The following SNX16 variants were observed in gnomAD, a reference collection of about 807,000 sequenced individuals.
SNX16 encodes the protein sorting nexin-16.
Under a neutral mutation model 36.7 loss-of-function variants are expected in SNX16, and 35 were observed. That is an observed-to-expected ratio of 0.95 (90% CI 0.73 to 1.27). The LOEUF (loss-of-function observed/expected upper bound fraction) is 1.27. Ranked by LOEUF, SNX16 falls within the 50% of genes most tolerant of loss-of-function variation. SNX16 has a pLI of 0.00. For synonymous variants in SNX16, 134 were observed against 132.0 expected, an observed-to-expected ratio of 1.02 and a Z score of -0.10; for missense variants, 367 against 393.6, an observed-to-expected ratio of 0.93 and a Z score of 0.57.
intron 5 of SNX16, chr8:81,808,250 A>C: frequency 8.3e-7 from 1 of 1,197,844 alleles, no homozygotes; most frequent in Non-Finnish European, 1.2e-6. Flanking sequence ...GACTCCATGG[A>C]TAAGACGGTC....
At chr8:81,840,272 T>C in intron 1 of SNX16, 190 bp from the exon 2 acceptor site, 1 of 264,396 alleles carries the variant, frequency 3.8e-6, no homozygotes, top group Non-Finnish European at 7.2e-6. Context: ...CTTCACACTC[T>C]TTTTCCTTGA....
intron 2 of SNX16, among the ~76,000 whole-genome samples, chr8:81,835,295 G>A (rs753678906): frequency 2.0e-5 from 3 of 152,186 alleles, no homozygotes; most frequent in African/African-American, 7.2e-5. Context: ...TTCCTCCTAC[G>A]CCTTTGGGCT....
chr8:81,802,601 C>CTGTTAAGCTG, intron 6 of SNX16, 102 bp from the exon 7 acceptor site: 1 of 924,164 alleles, frequency 1.1e-6, no homozygotes, highest in Non-Finnish European at 1.6e-6. Flanking sequence ...GCTGTTAAGC[C>CTGTTAAGCTG]TTAATGTAGT....
chr8:81,801,513 T>C lies in SNX16; in HGVS notation c.1019A>G (p.Asp340Gly). Residue 340 changes from aspartate (D) to glycine (G), a missense_variant, in exon 8 of 8, where the codon GAT becomes GGT. Transcript: ENST00000345957. ...SEIEVAEVAYDAEED is the reference protein window; with the variant it reads ...SEIEVAEVAYGAEED ...TGTGATACATTAGTCTTCTTCAGCATCATATGCCACTTCTGCTACTTCTAT... is the reference window on the plus strand; with the variant it reads ...TGTGATACATTAGTCTTCTTCAGCACCATATGCCACTTCTGCTACTTCTAT... 3.1e-6 allele frequency: 5 copies of C among 1,594,590 alleles called. No homozygotes were observed. The highest frequency in any genetic ancestry group is 1.7e-5 in the Admixed American group (1 of 58,892).
Position 81,801,469 on chromosome 8 carries a change from C to A in SNX16, c.*28G>T. ...CCACTCTTCTAAATTTTTGAATAGT[C>A]TAAATGGAGGGAACTGCTTGTGATA... On this transcript the variant is annotated 3_prime_UTR_variant, in exon 8 of 8. Coordinates refer to ENST00000345957, the MANE Select transcript of SNX16 (RefSeq NM_152836.3). 7.2e-7 allele frequency: 1 copy of A among 1,390,672 alleles called. No homozygotes were observed. Among genetic ancestry groups the A allele is most frequent in the South Asian group, 1.3e-5 (1 of 79,330 alleles). The allele number at this position is 1,390,672 out of a possible 1,614,324, so 86.1% of individuals were successfully genotyped here.
chr8:81,818,095 T>C (rs543198450), intron 4 of SNX16, among the ~76,000 whole-genome samples: 1 of 152,222 alleles, frequency 6.6e-6, no homozygotes, highest in Admixed American at 6.5e-5. Flanking sequence ...AGTTTTACCG[T>C]ATTTTCAAAC....
At chr8:81,805,505 T>C (rs573860176) in intron 5 of SNX16, among the ~76,000 whole-genome samples, 3 of 152,298 alleles carry the variant, frequency 2.0e-5, no homozygotes, top group Admixed American at 2.0e-4. Flanking sequence ...AAAGTGGTTC[T>C]TTGAGAAGAC....
At chr8:81,829,582 C>A in intron 2 of SNX16, 66 bp from the exon 3 acceptor site, 1 of 665,516 alleles carries the variant, frequency 1.5e-6, no homozygotes. Context: ...AAAACTCAAG[C>A]CAAATATTTT....
In SNX16 at chr8:81,803,207, C is replaced by G; in HGVS notation, c.703G>C (p.Glu235Gln). The G allele has an allele frequency of 6.2e-7, 1 of 1,603,112 alleles. No individual in the cohort carries two copies. Among genetic ancestry groups the G allele is most frequent in the Non-Finnish European group, 8.5e-7 (1 of 1,176,534 alleles). The change falls in exon 6 of 8, where the codon GAG (glutamate) becomes CAG (glutamine). Residue 235 changes from glutamate (E) to glutamine (Q), a missense_variant. Glu to Gln is a conservative substitution (Grantham distance 29). Coordinates refer to ENST00000345957, the MANE Select transcript of SNX16 (RefSeq NM_152836.3). ...TCTTTCTGTAAGCGGTAGTTTGTCT[C>G]TTCTAAAGTTTCACAGAATGCCTTA... The part of the protein sequence containing the change: ...ESRAFCETLE[E>Q]TNYRLQKELL...
Position 81,815,336 on chromosome 8 carries a change from C to T in SNX16, c.670G>A (p.Glu224Lys), listed in dbSNP as rs1393640321. ...DDPPGPFDSL[E>K]ESRAFCETLE... The stretch of plus-strand genomic sequence containing the variant: ...AATACAGCACTTACCCTGCTTTCTT[C>T]TAGGCTATCAAATGGACCCGGTGGA... Residue 224 changes from glutamate to lysine, a missense_variant, in exon 5 of 8, where the codon GAA (glutamate) becomes AAA (lysine). Coordinates refer to ENST00000345957, the MANE Select transcript of SNX16 (RefSeq NM_152836.3). The T allele has an allele frequency of 6.2e-6, 10 of 1,612,144 alleles. No homozygotes were observed. Among genetic ancestry groups the T allele is most frequent in the Admixed American group, 3.3e-5 (2 of 59,938 alleles).
Position 81,829,536 on chromosome 8 carries a change from C to T in SNX16, c.376-20G>A, listed in dbSNP as rs1811160511. ...ATATACCTATGCACAGGAAGAAAAA[C>T]AGACGGAGAGAAAAATATAAAAGTA... On this transcript the variant is annotated intron_variant, in intron 2 of 7. Coordinates refer to ENST00000345957, the MANE Select transcript of SNX16 (RefSeq NM_152836.3). 2 of 1,082,562 alleles carry T rather than the reference C, an allele frequency of 1.8e-6. No homozygotes were observed. The highest frequency in any genetic ancestry group is 1.7e-5 in the African/African-American group (1 of 60,156). The allele number at this position is 1,082,562 out of a possible 1,614,324, so 67.1% of individuals were successfully genotyped here.
At chr8:81,822,926 G>GTATATA (rs10548631) in intron 4 of SNX16, among the ~76,000 whole-genome samples, 3 of 130,192 alleles carry the variant, frequency 2.3e-5, no homozygotes, top group Non-Finnish European at 4.7e-5. Context: ...AGCAAGATGT[G>GTATATA]TATATATATA....
At chr8:81,820,961 G>A (rs1810716498) in intron 4 of SNX16, among the ~76,000 whole-genome samples, 1 of 150,694 alleles carries the variant, frequency 6.6e-6, no homozygotes, top group Non-Finnish European at 1.5e-5. Flanking sequence ...CTCTTACATT[G>A]TGAAACAAAA....
At chr8:81,826,989 A>G (rs913616494) in intron 3 of SNX16, among the ~76,000 whole-genome samples, 9 of 152,170 alleles carry the variant, frequency 5.9e-5, no homozygotes, top group African/African-American at 2.2e-4. Flanking sequence ...TTTTACAATT[A>G]TATCAATGAT....
chr8:81,824,790 G>A (rs1810941072), intron 3 of SNX16, among the ~76,000 whole-genome samples: 2 of 152,028 alleles, frequency 1.3e-5, no homozygotes, highest in South Asian at 4.1e-4. Context: ...TTAATATTAA[G>A]CTCACAGATT....
chr8:81,802,508 A>G lies in SNX16; in HGVS notation c.819-9T>C. ...GTTCTAAAGACAATGTTCTAAAAGT[A>G]TGTTATAGCAACAAGTTATTTTCTA... On this transcript the variant is annotated splice_polypyrimidine_tract_variant and intron_variant, in intron 6 of 7. Coordinates refer to ENST00000345957, the MANE Select transcript of SNX16 (RefSeq NM_152836.3). 1 of 1,597,676 alleles carries G rather than the reference A, an allele frequency of 6.3e-7. No individual in the cohort carries two copies. The highest frequency in any genetic ancestry group is 8.5e-7 in the Non-Finnish European group (1 of 1,172,644).
chr8:81,814,683 G>C (rs1810401717), intron 5 of SNX16: 1 of 152,052 alleles, frequency 6.6e-6, no homozygotes, highest in Non-Finnish European at 1.5e-5. Context: ...AAAAAGGCCA[G>C]GGCATTCAAT....
chr8:81,829,741 G>T (rs898951408), intron 2 of SNX16, among the ~76,000 whole-genome samples: 1 of 151,938 alleles, frequency 6.6e-6, no homozygotes, highest in Non-Finnish European at 1.5e-5. Flanking sequence ...GAGACAAAAC[G>T]CTTTTTCTGT....
At chr8:81,818,450 A>G (rs1394687176) in intron 4 of SNX16, among the ~76,000 whole-genome samples, 1 of 152,102 alleles carries the variant, frequency 6.6e-6, no homozygotes, top group Non-Finnish European at 1.5e-5. Flanking sequence ...TCAAGTAGAG[A>G]ATTATTGAAT....
Sources: gnomAD v4.1 joint callset for allele counts (sites outside exome capture counted in the v4.1 genomes callset) on GRCh38, gnomAD v4.1.1 for gene constraint, MANE v1.5 for transcripts, NCBI Gene and HGNC (gene_info 2026-07-23, HGNC 2026-07-21) for gene names.